The following ZNF469 variants were observed in gnomAD, a reference collection of about 807,000 sequenced individuals.
The protein encoded by ZNF469 is zinc finger protein 469.
Under a neutral mutation model 1.0 loss-of-function variants are expected in ZNF469, and 1 was observed. The observed-to-expected ratio is 1.00, with a 90% CI of 0.35 to 4.73. ZNF469 has a LOEUF of 4.73. Ranked by LOEUF, ZNF469 falls within the 30% of genes most tolerant of loss-of-function variation. The probability of loss-of-function intolerance (pLI) is 0.16; values close to 1 mark genes in which losing one functional copy is unlikely to be tolerated. For synonymous variants in ZNF469, 2,703 were observed against 2,363.4 expected (o/e 1.14, Z -4.17); for missense variants, 6,100 against 5,356.3 (o/e 1.14, Z -4.33).
chr16:88,335,608 G>T, the ZNF469 span, among the ~76,000 whole-genome samples: 1 of 152,256 alleles, frequency 6.6e-6, no homozygotes, highest in Non-Finnish European at 1.5e-5. Flanking sequence ...CACTGTTCAG[G>T]CATTGCCAAG....
chr16:88,422,399 G>GGGT (rs1905497500), intron 1 of ZNF469, among the ~76,000 whole-genome samples: 1 of 148,288 alleles, frequency 6.7e-6, no homozygotes. Flanking sequence ...ATGGGTGGGT[G>GGGT]GATAGATGGG....
chr16:88,301,175 G>C, the ZNF469 span, among the ~76,000 whole-genome samples: 1 of 148,602 alleles, frequency 6.7e-6, no homozygotes, highest in Non-Finnish European at 1.5e-5. Flanking sequence ...TTTTTTTTGA[G>C]ATGGAGTCTC....
the ZNF469 span, among the ~76,000 whole-genome samples, chr16:88,324,463 A>G: frequency 2.0e-5 from 3 of 152,126 alleles, no homozygotes; most frequent in Non-Finnish European, 4.4e-5. Flanking sequence ...GTCCTCTCCT[A>G]TGGCTGTGAT....
the ZNF469 span, among the ~76,000 whole-genome samples, chr16:88,166,802 A>ACACACACACAC: frequency 2.6e-5 from 1 of 38,768 alleles, no homozygotes. The surrounding 1 kb of genome is among the most constrained non-coding windows in gnomAD (Gnocchi z 4.5). Context: ...CACACACACA[A>ACACACACACAC]ATACATATAA....
chr16:88,394,094 C>G (rs116032873), intron 1 of ZNF469, among the ~76,000 whole-genome samples: 2 of 133,412 alleles, frequency 1.5e-5, no homozygotes, highest in East Asian at 4.2e-4. Flanking sequence ...GGGTTTGACA[C>G]GACTACACCT....
At chr16:88,275,804 G>T in the ZNF469 span, among the ~76,000 whole-genome samples, 6 of 152,138 alleles carry the variant, frequency 3.9e-5, no homozygotes, top group Non-Finnish European at 7.3e-5. Context: ...CTCTTGTTGC[G>T]GCATGGCGGA....
the ZNF469 span, among the ~76,000 whole-genome samples, chr16:88,345,743 C>T: frequency 2.0e-5 from 3 of 152,158 alleles, no homozygotes; most frequent in East Asian, 3.9e-4. Context: ...GCTCTCCTCA[C>T]GTGGATGGAA....
At chr16:88,243,911 C>CAT in the ZNF469 span, among the ~76,000 whole-genome samples, 1,657 of 26,044 alleles carry the variant, frequency 0.064, 67 homozygotes, top group East Asian at 0.088. Context: ...TGGCTGGATG[C>CAT]ATATATATAT....
At chr16:88,239,645 G>A in the ZNF469 span, among the ~76,000 whole-genome samples, 2 of 94,546 alleles carry the variant, frequency 2.1e-5, no homozygotes, top group East Asian at 2.6e-4. Flanking sequence ...CTGCCACCAC[G>A]CCCGGCTTAT....
the ZNF469 span, among the ~76,000 whole-genome samples, chr16:88,338,079 C>T: frequency 6.6e-6 from 1 of 151,944 alleles, no homozygotes; most frequent in Non-Finnish European, 1.5e-5. Context: ...CGGTTCCTAA[C>T]TTTGCTTTCT....
the ZNF469 span, among the ~76,000 whole-genome samples, chr16:88,115,722 G>T: frequency 5.5e-5 from 7 of 126,618 alleles, no homozygotes; most frequent in African/African-American, 1.2e-4. Flanking sequence ...GGTCCTTCCA[G>T]CCGTACTCCT....
chr16:88,382,562 G>C (rs372528564), upstream of ZNF469, among the ~76,000 whole-genome samples: 96 of 152,316 alleles, frequency 6.3e-4, no homozygotes, highest in African/African-American at 2.2e-3. Flanking sequence ...AACCGAACTT[G>C]CCCAGGCAGG....
At chr16:88,242,799 G>A in the ZNF469 span, among the ~76,000 whole-genome samples, 1 of 152,384 alleles carries the variant, frequency 6.6e-6, no homozygotes, top group Middle Eastern at 3.4e-3. Flanking sequence ...CTAAAGCCCA[G>A]GGTGTTTACA....
rs769026765 is a variant in ZNF469 at position 88,428,406 on chromosome 16, G to A, written c.936G>A (p.Ala312=). ...TTGCCTTCCATCAGCCCCAGGGAGC[G>A]TGGCCGGAGGAGGCCGTGGGCACGG... ...LVFAFHQPQG[A]WPEEAVGTGP... Residue 312 remains alanine, a synonymous_variant, in exon 3 of 3, where the codon GCG becomes GCA. Coordinates refer to ENST00000565624, the MANE Select transcript of ZNF469 (RefSeq NM_001367624.2). The A allele has an allele frequency of 6.7e-5, 104 of 1,548,212 alleles. No individual in the cohort carries two copies. The highest frequency in any genetic ancestry group is 5.7e-4 in the African/African-American group (42 of 73,134).
At chr16:88,103,120 C>G in the ZNF469 span, among the ~76,000 whole-genome samples, 2 of 152,262 alleles carry the variant, frequency 1.3e-5, no homozygotes, top group Non-Finnish European at 2.9e-5. Context: ...TGGCCGGTTT[C>G]TGGCGGACGC....
the ZNF469 span, among the ~76,000 whole-genome samples, chr16:88,214,223 G>A: frequency 5.3e-5 from 8 of 152,200 alleles, no homozygotes; most frequent in Non-Finnish European, 8.8e-5. Context: ...AGGATTCACT[G>A]ATAGCCTCTT....
chr16:88,124,688 G>A, the ZNF469 span, among the ~76,000 whole-genome samples: 2 of 152,180 alleles, frequency 1.3e-5, no homozygotes, highest in African/African-American at 2.4e-5. Context: ...GGGTTCAAGC[G>A]ATTCTCCTGC....
chr16:88,224,691 G>T, the ZNF469 span, among the ~76,000 whole-genome samples: 2 of 152,224 alleles, frequency 1.3e-5, no homozygotes, highest in Non-Finnish European at 2.9e-5. Context: ...AGCTCTGCCC[G>T]TGTGTCTCTG....
the ZNF469 span, among the ~76,000 whole-genome samples, chr16:88,203,325 CTG>C: frequency 6.6e-6 from 1 of 152,176 alleles, no homozygotes; most frequent in Admixed American, 6.5e-5. Context: ...TCCGCCCGCT[CTG>C]TGCCCAGGGC....
Sources: gnomAD v4.1 joint callset for allele counts (sites outside exome capture counted in the v4.1 genomes callset) on GRCh38, gnomAD v4.1.1 for gene constraint, Gnocchi (gnomAD v3.1) non-coding constraint, MANE v1.5 for transcripts, NCBI Gene and HGNC (gene_info 2026-07-23, HGNC 2026-07-21) for gene names.